RNF128: variants seen among roughly 807,000 people sequenced by gnomAD.
RNF128 encodes the protein E3 ubiquitin-protein ligase RNF128.
In RNF128, 13 loss-of-function variants were observed where a neutral mutation model predicts 26.2. The observed-to-expected ratio is 0.50, with a 90% CI of 0.32 to 0.79. The LOEUF (loss-of-function observed/expected upper bound fraction) is 0.79. RNF128 is among the 30% of genes least tolerant of loss of function. The pLI is 0.03. For missense variants in RNF128, 315 were observed against 349.7 expected, an observed-to-expected ratio of 0.90 and a Z score of 0.79; for synonymous variants, 149 against 142.5, an observed-to-expected ratio of 1.05 and a Z score of -0.32.
chrX:106,697,906 CTCTA>C (rs1981221011), intron 1 of RNF128, among the ~76,000 whole-genome samples: 4 of 108,653 alleles, frequency 3.7e-5, no homozygotes, highest in East Asian at 5.8e-4. Flanking sequence ...GTGAGTATAT[CTCTA>C]TCTATCTACA....
intron 2 of RNF128, among the ~76,000 whole-genome samples, chrX:106,774,084 G>A (rs924896416): frequency 1.8e-5 from 2 of 111,282 alleles, no homozygotes; most frequent in African/African-American, 6.5e-5. Flanking sequence ...ATTTGTGACC[G>A]TAAAATCAGA....
chrX:106,730,492 TAAAG>T (rs1929482660), intron 1 of RNF128, among the ~76,000 whole-genome samples: 1 of 112,107 alleles, frequency 8.9e-6, no homozygotes, highest in South Asian at 3.7e-4. Context: ...GGCCAAATCT[TAAAG>T]TAAGCATTAA....
chrX:106,719,122 T>C (rs1158228325), intron 1 of RNF128, among the ~76,000 whole-genome samples: 1 of 112,273 alleles, frequency 8.9e-6, no homozygotes, highest in Non-Finnish European at 1.9e-5. Flanking sequence ...ATTCATAAAT[T>C]ATTTTTTCAG....
intron 1 of RNF128, among the ~76,000 whole-genome samples, chrX:106,751,429 G>T (rs759857147): frequency 9.0e-6 from 1 of 111,044 alleles, no homozygotes; most frequent in Admixed American, 9.6e-5. Flanking sequence ...CCTCTGGCAA[G>T]CCTCACCACT....
chrX:106,728,337 T>A (rs774642346), intron 1 of RNF128, among the ~76,000 whole-genome samples: 32 of 112,282 alleles, frequency 2.8e-4, no homozygotes, highest in Middle Eastern at 4.6e-3. Flanking sequence ...AAATTCCTAC[T>A]CTGTTGCTTA....
At chrX:106,724,422 T>A (rs1259670699), upstream of RNF128, among the ~76,000 whole-genome samples, 1 of 111,078 alleles carries the variant, frequency 9.0e-6, no homozygotes, top group Non-Finnish European at 1.9e-5. Context: ...TATTACTCCC[T>A]GATTAAACCC....
intron 4 of RNF128, among the ~76,000 whole-genome samples, chrX:106,789,507 T>C (rs1400540701): frequency 9.6e-6 from 1 of 104,013 alleles, no homozygotes; most frequent in Admixed American, 1.1e-4. Flanking sequence ...TAATATAGTG[T>C]ATATATTATA....
chrX:106,720,503 C>T (rs1011670756), intron 1 of RNF128, among the ~76,000 whole-genome samples: 24 of 111,339 alleles, frequency 2.2e-4, no homozygotes, highest in African/African-American at 7.5e-4. Flanking sequence ...CATGAGCCAC[C>T]ACACCCGGCC....
At chrX:106,732,623 A>G (rs1357072599) in intron 1 of RNF128, among the ~76,000 whole-genome samples, 3 of 111,680 alleles carry the variant, frequency 2.7e-5, no homozygotes, top group African/African-American at 9.8e-5. Flanking sequence ...TGCCCTCTTA[A>G]GCAATGTAGA....
At chrX:106,781,861 T>G (rs1238893336) in intron 2 of RNF128, among the ~76,000 whole-genome samples, 1 of 111,579 alleles carries the variant, frequency 9.0e-6, no homozygotes, top group Admixed American at 9.6e-5. Context: ...TTTTTTTATT[T>G]TTTGTATTCT....
At chrX:106,710,074 A>T in intron 1 of RNF128, among the ~76,000 whole-genome samples, 1 of 112,206 alleles carries the variant, frequency 8.9e-6, no homozygotes, top group Middle Eastern at 4.6e-3. Context: ...TAAATTTTAA[A>T]TACTGCATAA....
intron 1 of RNF128, among the ~76,000 whole-genome samples, chrX:106,757,690 T>A (rs1182565155): frequency 2.9e-5 from 3 of 104,210 alleles, no homozygotes; most frequent in African/African-American, 1.1e-4. Flanking sequence ...CATATGTAAC[T>A]AACCTGCACA....
intron 3 of RNF128, 112 bp from the exon 4 acceptor site, chrX:106,787,806 C>A: frequency 2.2e-6 from 1 of 460,330 alleles, no homozygotes; most frequent in East Asian, 4.2e-5. Context: ...ATATAATGCT[C>A]CTCCTTTTAT....
At chrX:106,770,858 T>C (rs767695914) in intron 1 of RNF128, among the ~76,000 whole-genome samples, 42 of 112,186 alleles carry the variant, frequency 3.7e-4, no homozygotes, top group Admixed American at 6.6e-4. Flanking sequence ...TCAGCTTTTC[T>C]GCTCTGGTTT....
At chrX:106,764,661 G>A (rs4826943) in intron 1 of RNF128, among the ~76,000 whole-genome samples, 2,202 of 110,434 alleles carry the variant, frequency 0.02, 36 homozygotes, top group Non-Finnish European at 0.032. Flanking sequence ...GCGAAACTCC[G>A]TCTCAAAAAA....
chrX:106,763,551 G>T (rs1330404086), intron 1 of RNF128, among the ~76,000 whole-genome samples: 3 of 112,954 alleles, frequency 2.7e-5, no homozygotes, highest in Non-Finnish European at 3.7e-5. Context: ...CTGTCGTCCA[G>T]GCTGGAGTGC....
At chrX:106,708,719 T>C (rs1439848589) in intron 1 of RNF128, among the ~76,000 whole-genome samples, 2 of 112,162 alleles carry the variant, frequency 1.8e-5, no homozygotes, top group Non-Finnish European at 3.8e-5. Context: ...ATTTGTGTTA[T>C]TATATTACTT....
intron 1 of RNF128, among the ~76,000 whole-genome samples, chrX:106,705,557 G>C (rs145636920): frequency 3.9e-4 from 44 of 112,541 alleles, no homozygotes; most frequent in African/African-American, 1.4e-3. Context: ...CCTCAAAGCA[G>C]TCAATTCAGC....
chrX:106,763,831 G>A (rs1930164038), intron 1 of RNF128, among the ~76,000 whole-genome samples: 1 of 110,902 alleles, frequency 9.0e-6, no homozygotes, highest in Non-Finnish European at 1.9e-5. Flanking sequence ...TTAATAGTTG[G>A]ACTGTATATA....
Sources: allele counts gnomAD v4.1 joint callset (sites outside exome capture counted in the v4.1 genomes callset), GRCh38; gene constraint gnomAD v4.1.1; transcripts MANE v1.5; gene names NCBI Gene and HGNC (gene_info 2026-07-23, HGNC 2026-07-21).